Variants in ATP2A3 observed in about 807,000 individuals in gnomAD.
ATP2A3 encodes the protein ATPase sarcoplasmic/endoplasmic reticulum Ca2+ transporting 3.
ATP2A3 carries 61 observed loss-of-function variants against 106.8 expected under a neutral mutation model. The ratio of observed to expected loss-of-function variants is 0.57; its 90% CI spans 0.46 to 0.71. ATP2A3 has a LOEUF of 0.71. Among genes scored for constraint, ATP2A3 ranks in the 30% least tolerant of loss-of-function variants. The pLI is 0.00. For synonymous variants in ATP2A3, 611 were observed against 609.3 expected, an observed-to-expected ratio of 1.00 and a Z score of -0.04; for missense variants, 1,201 against 1,423.5, an observed-to-expected ratio of 0.84 and a Z score of 2.52.
rs935195838 is a variant in ATP2A3, at chr17:3,930,970, G to A, written c.2611-536C>T. 10 of 228,206 alleles carry A rather than the reference G, an allele frequency of 4.4e-5. No homozygotes were observed. Among genetic ancestry groups the A allele is most frequent in the African/African-American group, 9.1e-5 (4 of 44,192 alleles). The allele number at this position is 228,206 out of a possible 1,614,324, so 14.1% of individuals were successfully genotyped here. On this transcript the variant is annotated intron_variant, in intron 17 of 20. Coordinates refer to ENST00000397041, the MANE Select transcript of ATP2A3 (RefSeq NM_005173.4). This position sits in a 1 kb window ranked among gnomAD's most constrained non-coding sequence, Gnocchi z 5.4. ...AGCCTGGCTAACATGGTGAAACCCC[G>A]TCTCTACTAAAAATACAAAAATTAG...
chr17:3,946,333 C>T (rs2144575471), intron 8 of ATP2A3, among the ~76,000 whole-genome samples: 1 of 151,968 alleles, frequency 6.6e-6, no homozygotes, highest in East Asian at 1.9e-4. Context: ...GGGTGGATCA[C>T]TTGAGGTCAG....
Position 3,951,243 on chromosome 17 carries a change from C to G in ATP2A3, c.463+8G>C. ...AAAATAAAATAAAAGGAGGAGGCCC[C>G]GGCATACCTGCCACTTCTACAATGT... On this transcript the variant is annotated splice_region_variant and intron_variant, in intron 5 of 20. Transcript: ENST00000397041. 1 of 1,551,696 alleles carries G rather than the reference C, an allele frequency of 6.4e-7. No homozygotes were observed. The highest frequency in any genetic ancestry group is 8.7e-7 in the Non-Finnish European group (1 of 1,148,882).
intron 17 of ATP2A3, among the ~76,000 whole-genome samples, chr17:3,932,316 G>A (rs1483311880): frequency 2.0e-5 from 3 of 152,106 alleles, no homozygotes; most frequent in Non-Finnish European, 4.4e-5. Context: ...GCTAATTTTT[G>A]TGTTTGTAGT....
intron 1 of ATP2A3, among the ~76,000 whole-genome samples, chr17:3,957,170 C>A (rs933210): frequency 1.3e-5 from 2 of 152,146 alleles, no homozygotes; most frequent in Non-Finnish European, 2.9e-5. Context: ...TAACTCCTTG[C>A]GTGCCTTATT....
intron 8 of ATP2A3, among the ~76,000 whole-genome samples, chr17:3,945,947 T>C (rs1011648463): frequency 6.6e-6 from 1 of 152,188 alleles, no homozygotes; most frequent in Non-Finnish European, 1.5e-5. Context: ...CACACTGCAC[T>C]TTAAAACTCT....
At chr17:3,951,096 C>G (rs919477602) in intron 5 of ATP2A3, among the ~76,000 whole-genome samples, 155 bp downstream of exon 5, 1 of 151,862 alleles carries the variant, frequency 6.6e-6, no homozygotes, top group Non-Finnish European at 1.5e-5. Flanking sequence ...TGCTTGAACC[C>G]GGGAGGCAGG....
In ATP2A3 at chr17:3,947,300, C is replaced by G; in HGVS notation, c.1095+91G>C. ...ACAGCCCACAGATTCTCTCCTCCAT[C>G]CCTCACTGAAAAGGAGGTGGGGGAG... On this transcript the variant is annotated intron_variant, in intron 8 of 20. Coordinates refer to ENST00000397041, the MANE Select transcript of ATP2A3 (RefSeq NM_005173.4). This position sits in a 1 kb window ranked among gnomAD's most constrained non-coding sequence, Gnocchi z 7.7. 1 of 1,462,616 alleles carries G rather than the reference C, an allele frequency of 6.8e-7. No individual in the cohort carries two copies. Among genetic ancestry groups the G allele is most frequent in the Middle Eastern group, 2.2e-4 (1 of 4,594 alleles). 90.6% of individuals were successfully genotyped at this position (1,462,616 alleles called of 1,614,324 possible). A position where few individuals can be genotyped will look rare whatever the true frequency, so the allele number is the denominator to read the frequency against.
At chr17:3,940,825 A>G in intron 14 of ATP2A3, 146 bp downstream of exon 14, 2 of 1,097,176 alleles carry the variant, frequency 1.8e-6, no homozygotes, top group Non-Finnish European at 2.7e-6. Flanking sequence ...ACATTATTTA[A>G]ATTTCTTTTT....
intron 1 of ATP2A3, among the ~76,000 whole-genome samples, chr17:3,963,357 G>C (rs1245027154): frequency 1.3e-5 from 2 of 152,374 alleles, no homozygotes; most frequent in East Asian, 3.9e-4. Flanking sequence ...GAAGGGATGT[G>C]GGGAGGGCAC....
Position 3,926,081 on chromosome 17 carries a change from C to T in ATP2A3, c.2981-640G>A, listed in dbSNP as rs1382526104. ...TCCCCTGACAACTGCTCAGCCACAC[C>T]TGGGCAGAGCCAGGAGGTGGGGTGA... is the stretch of plus-strand genomic sequence containing the variant. On this transcript the variant is annotated intron_variant, in intron 20 of 20. Transcript: ENST00000397041. This position sits in a 1 kb window ranked among gnomAD's most constrained non-coding sequence, Gnocchi z 4.6. Among the ~76,000 whole-genome samples, 2 of 151,930 alleles carry T rather than the reference C, an allele frequency of 1.3e-5. No individual in the cohort carries two copies. Among genetic ancestry groups the T allele is most frequent in the Non-Finnish European group, 2.9e-5 (2 of 67,972 alleles).
intron 1 of ATP2A3, among the ~76,000 whole-genome samples, chr17:3,961,557 TC>T (rs1468085115): frequency 6.6e-6 from 1 of 152,140 alleles, no homozygotes; most frequent in Non-Finnish European, 1.5e-5. Flanking sequence ...GCTGCCTCCC[TC>T]CCCTGGCAGA....
In ATP2A3 at chr17:3,964,351, C is replaced by G; in HGVS notation, c.-60G>C. On this transcript the variant is annotated 5_prime_UTR_variant, in exon 1 of 21. It removes the in-frame stop codon of an upstream open reading frame in the 5' UTR. Transcript: ENST00000397041. ...TCGAGGCCGCCTCTCCGCCGGGGGG[C>G]TACAAAGCGGGGCGCGGGGGACTCG... 9.9e-7 allele frequency: 1 copy of G among 1,007,688 alleles called. No individual in the cohort carries two copies. The highest frequency in any genetic ancestry group is 1.2e-6 in the Non-Finnish European group (1 of 818,138). The allele number at this position is 1,007,688 out of a possible 1,614,324, so 62.4% of individuals were successfully genotyped here.
In ATP2A3 at chr17:3,945,075, G is replaced by T. The variant is rs1005569748; in HGVS notation, c.1169C>A (p.Thr390Asn). The change falls in exon 9 of 21, where the codon ACC (threonine) becomes AAC (asparagine). Residue 390 changes from threonine (T) to asparagine (N), a missense_variant. Thr to Asn is a moderately conservative substitution (Grantham distance 65). Transcript: ENST00000397041. ...CCGCACTCACACTTCGCCCTCGGGG[G>T]TATACGTGGTACCCGAGATGGTGAA... is the stretch of plus-strand genomic sequence containing the variant. ...HEFTISGTTY[T>N]PEGEVRQGDQ... The T allele has an allele frequency of 2.3e-5, 35 of 1,545,976 alleles. No individual in the cohort carries two copies. In the Middle Eastern group the frequency reaches 5.9e-4, roughly 26 times the overall value.
chr17:3,951,447 C>A (rs964979402), intron 4 of ATP2A3, 58 bp from the exon 5 acceptor site: 1 of 1,611,686 alleles, frequency 6.2e-7, no homozygotes, highest in Non-Finnish European at 8.5e-7. Flanking sequence ...AGACCACCCC[C>A]TTGGAGTGAC....
chr17:3,958,821 C>T (rs369226039), intron 1 of ATP2A3, among the ~76,000 whole-genome samples: 2 of 112,564 alleles, frequency 1.8e-5, no homozygotes, highest in Admixed American at 9.3e-5. Flanking sequence ...TATATATACA[C>T]ACATATATAT....
Position 3,947,379 on chromosome 17 carries a change from G to A in ATP2A3, c.1095+12C>T. ...TGCAACGCACAGCAACACCAAGCTGGCCGTCACTCACCCGGCAGACAGACA... is the reference window on the plus strand; with the variant it reads ...TGCAACGCACAGCAACACCAAGCTGACCGTCACTCACCCGGCAGACAGACA... On this transcript the variant is annotated intron_variant, in intron 8 of 20. Coordinates refer to ENST00000397041, the MANE Select transcript of ATP2A3 (RefSeq NM_005173.4). This position sits in a 1 kb window ranked among gnomAD's most constrained non-coding sequence, Gnocchi z 7.7. The A allele has an allele frequency of 6.2e-7, 1 of 1,613,646 alleles. No individual in the cohort carries two copies.
chr17:3,961,361 G>GTGC (rs1258732992), intron 1 of ATP2A3, among the ~76,000 whole-genome samples: 1 of 152,254 alleles, frequency 6.6e-6, no homozygotes, highest in Non-Finnish European at 1.5e-5. Context: ...CTCACAGGAG[G>GTGC]TGCTGGGGCC....
Position 3,964,225 on chromosome 17 carries a change from C to A in ATP2A3, c.67G>T (p.Gly23Cys). Residue 23 changes from glycine to cysteine, a missense_variant, in exon 1 of 21, where the codon GGC (glycine) becomes TGC (cysteine). Transcript: ENST00000397041. ...LRHFSVTAEG[G>C]LSPAQVTGAR... ...CCGGTCACCTGCGCCGGGCTCAGGC[C>A]GCCCTCGGCTGTCACCGAGAAGTGG... 1 of 1,276,016 alleles carries A rather than the reference C, an allele frequency of 7.8e-7. No homozygotes were observed. Among genetic ancestry groups the A allele is most frequent in the Non-Finnish European group, 1.0e-6 (1 of 999,320 alleles). 79.0% of individuals were successfully genotyped at this position (1,276,016 alleles called of 1,614,324 possible).
At chr17:3,944,921 C>T in intron 9 of ATP2A3, 115 bp from the exon 10 acceptor site, 1 of 1,327,522 alleles carries the variant, frequency 7.5e-7, no homozygotes, top group East Asian at 2.6e-5. Flanking sequence ...CCCAGAAGGG[C>T]TCCGCCTCCT....
Sources: gnomAD v4.1 joint callset for allele counts (sites outside exome capture counted in the v4.1 genomes callset) on GRCh38, gnomAD v4.1.1 for gene constraint, Gnocchi (gnomAD v3.1) non-coding constraint, MANE v1.5 for transcripts, NCBI Gene and HGNC (gene_info 2026-07-23, HGNC 2026-07-21) for gene names.